TTC39B: variants seen among roughly 807,000 people sequenced by gnomAD.
The protein encoded by TTC39B is tetratricopeptide repeat protein 39B.
A neutral mutation model predicts 96.6 loss-of-function variants in TTC39B; 92 were observed. The ratio of observed to expected loss-of-function variants is 0.95; its 90% CI spans 0.80 to 1.13. The LOEUF (loss-of-function observed/expected upper bound fraction) is 1.13, where lower values mean the gene tolerates loss of function less well. Among genes scored for constraint, TTC39B ranks in the 50% most tolerant of loss-of-function variants. The pLI is 0.00. For missense variants in TTC39B, 955 were observed against 809.3 expected, an observed-to-expected ratio of 1.18 and a Z score of -2.18; for synonymous variants, 367 against 299.4, an observed-to-expected ratio of 1.23 and a Z score of -2.33.
chr9:15,306,163 A>T lies in TTC39B; in HGVS notation c.240+921T>A, dbSNP rs1824746274. On this transcript the variant is annotated intron_variant, in intron 1 of 19. Transcript: ENST00000512701. This position sits in a 1 kb window ranked among gnomAD's most constrained non-coding sequence, Gnocchi z 5.1. Reference sequence around the variant, plus strand: ...GCCTTCTAAAGGCAGCGACTCGCACAATTCAAGTCAGGTAAGATGGCAGGA... The same window carrying T: ...GCCTTCTAAAGGCAGCGACTCGCACTATTCAAGTCAGGTAAGATGGCAGGA... Among the ~76,000 whole-genome samples, 1 of 152,240 alleles carries T rather than the reference A, an allele frequency of 6.6e-6. No individual in the cohort carries two copies. The highest frequency in any genetic ancestry group is 2.4e-5 in the African/African-American group (1 of 41,464).
intron 1 of TTC39B, among the ~76,000 whole-genome samples, chr9:15,284,274 C>G (rs1012326884): frequency 1.3e-4 from 20 of 152,254 alleles, no homozygotes; most frequent in South Asian, 4.2e-4. Context: ...GCAGAGATGC[C>G]GGAAAATAAG....
chr9:15,288,514 G>A (rs1383155363), intron 1 of TTC39B, among the ~76,000 whole-genome samples: 7 of 152,008 alleles, frequency 4.6e-5, no homozygotes, highest in African/African-American at 9.7e-5. Flanking sequence ...CACACTCCAG[G>A]GGAAGATCAT....
intron 1 of TTC39B, among the ~76,000 whole-genome samples, chr9:15,274,381 G>A (rs959851397): frequency 3.9e-5 from 6 of 152,146 alleles, no homozygotes; most frequent in African/African-American, 1.2e-4. Context: ...CCAACTAGTC[G>A]CATCTTATCT....
At chr9:15,175,053 T>C in exon 19 of TTC39B, 1 of 1,613,702 alleles carries the variant, frequency 6.2e-7, no homozygotes, top group Non-Finnish European at 8.5e-7. Flanking sequence ...GCCTTGTCAA[T>C]TTCCCCCTGG....
intron 6 of TTC39B, among the ~76,000 whole-genome samples, chr9:15,208,898 C>A (rs1453740833): frequency 6.6e-6 from 1 of 152,192 alleles, no homozygotes; most frequent in Non-Finnish European, 1.5e-5. Flanking sequence ...ACAAAATAAA[C>A]AAAACTTCCT....
At position 15,306,068 on chromosome 9, in the gene TTC39B, A is replaced by T. The variant is rs532281318; in HGVS notation, c.240+1016T>A. On this transcript the variant is annotated intron_variant, in intron 1 of 19. Transcript: ENST00000512701. This position sits in a 1 kb window ranked among gnomAD's most constrained non-coding sequence, Gnocchi z 5.1. ...TCTTCCTTGTCAGGAGATTCCTGGC[A>T]CTAAAGAGATGGACGGGAAACTTAA... Among the ~76,000 whole-genome samples, 7 of 152,316 alleles carry T rather than the reference A, an allele frequency of 4.6e-5. No individual in the cohort carries two copies. Among genetic ancestry groups the T allele is most frequent in the Middle Eastern group, 3.4e-3 (1 of 294 alleles).
At position 15,275,571 on chromosome 9, in the gene TTC39B, T is replaced by C. The variant is rs192654168; in HGVS notation, c.241-7623A>G. On this transcript the variant is annotated intron_variant, in intron 1 of 19. Coordinates refer to ENST00000512701, the Ensembl canonical transcript of TTC39B. The stretch of plus-strand genomic sequence containing the variant: ...GAAACTGCAGCAAAAGAGTCCTTGC[T>C]TTAAGGAAGTCTTCTGGGAGAAGGA... Among the ~76,000 whole-genome samples, 533 of 152,224 alleles carry C rather than the reference T, an allele frequency of 3.5e-3. 1 individual carries two copies. The highest frequency in any genetic ancestry group is 5.8e-3 in the Non-Finnish European group (394 of 67,998).
intron 2 of TTC39B, among the ~76,000 whole-genome samples, chr9:15,255,148 T>C (rs887559965): frequency 8.5e-5 from 13 of 152,066 alleles, no homozygotes; most frequent in Admixed American, 2.0e-4. Context: ...ATAAATAACA[T>C]AGAAATTACT....
At chr9:15,255,056 TA>T (rs762276782) in intron 2 of TTC39B, among the ~76,000 whole-genome samples, 92 of 152,202 alleles carry the variant, frequency 6.0e-4, no homozygotes, top group Non-Finnish European at 1.2e-3. Flanking sequence ...TTTTTCATTC[TA>T]ACTATAACAT....
chr9:15,225,901 C>CACA lies in TTC39B; in HGVS notation c.371+13_371+15dup. 6.2e-7 allele frequency: 1 copy of CACA among 1,610,672 alleles called. No homozygotes were observed. The highest frequency in any genetic ancestry group is 8.5e-7 in the Non-Finnish European group (1 of 1,177,734). Reference sequence around the variant, plus strand: ...CCTCCCCTCTTCCCCCAGGAATGCCCACAACCCTTCCTGACCTGCTGACAG... The same window carrying CACA: ...CCTCCCCTCTTCCCCCAGGAATGCCCACAACAACCCTTCCTGACCTGCTGACAG... On this transcript the variant is annotated intron_variant, in intron 3 of 19. Coordinates refer to ENST00000512701, the Ensembl canonical transcript of TTC39B.
chr9:15,254,304 T>G (rs1822670233), intron 2 of TTC39B, among the ~76,000 whole-genome samples: 1 of 152,146 alleles, frequency 6.6e-6, no homozygotes, highest in South Asian at 2.1e-4. Flanking sequence ...AATGTGTTCT[T>G]TTTTTAAATC....
intron 9 of TTC39B, 140 bp from the exon 10 acceptor site, chr9:15,191,395 C>CAGTATGTGGTAA: frequency 1.7e-6 from 1 of 604,694 alleles, no homozygotes; most frequent in Non-Finnish European, 2.9e-6. Context: ...ATTTCTGTTA[C>CAGTATGTGGTAA]CACATACTGT....
At chr9:15,273,971 T>C (rs1823448919) in intron 1 of TTC39B, among the ~76,000 whole-genome samples, 1 of 152,188 alleles carries the variant, frequency 6.6e-6, no homozygotes. Context: ...TAAATCAAGA[T>C]GTCCAAAATG....
At chr9:15,266,352 T>C (rs1032704399) in intron 2 of TTC39B, among the ~76,000 whole-genome samples, 1 of 151,684 alleles carries the variant, frequency 6.6e-6, no homozygotes, top group African/African-American at 2.4e-5. Flanking sequence ...CTATAGCAAA[T>C]ATGACAAAAG....
intron 6 of TTC39B, among the ~76,000 whole-genome samples, chr9:15,206,120 A>G (rs1819836891): frequency 6.6e-6 from 1 of 152,152 alleles, no homozygotes; most frequent in African/African-American, 2.4e-5. Flanking sequence ...AAGGCATGAG[A>G]GTTTGAACTT....
At chr9:15,223,477 G>C (rs1022161808) in intron 3 of TTC39B, among the ~76,000 whole-genome samples, 1 of 152,176 alleles carries the variant, frequency 6.6e-6, no homozygotes, top group African/African-American at 2.4e-5. Flanking sequence ...TCACAACTTT[G>C]TGTTAAGAAG....
intron 2 of TTC39B, among the ~76,000 whole-genome samples, chr9:15,231,182 T>C (rs1320358089): frequency 2.0e-5 from 3 of 152,146 alleles, no homozygotes; most frequent in African/African-American, 7.2e-5. Context: ...ATTTTTTTAA[T>C]TTTTATTTTT....
At chr9:15,175,800 T>C (rs971835) in intron 18 of TTC39B, among the ~76,000 whole-genome samples, 103,438 of 151,736 alleles carry the variant, frequency 0.68, 35,604 homozygotes, top group East Asian at 0.94. Flanking sequence ...GGGCTTTGTA[T>C]CCTAATATCC....
Position 15,225,908 on chromosome 9 carries a change from C to A in TTC39B, c.371+9G>T, listed in dbSNP as rs945666838. ...TCTTCCCCCAGGAATGCCCACAACC[C>A]TTCCTGACCTGCTGACAGTAGACGC... On this transcript the variant is annotated intron_variant, in intron 3 of 19. Transcript: ENST00000512701. The A allele has an allele frequency of 5.6e-6, 9 of 1,612,298 alleles. No individual in the cohort carries two copies. The highest frequency in any genetic ancestry group is 1.7e-5 in the Admixed American group (1 of 59,860).
Sources: gnomAD v4.1 joint callset for allele counts (sites outside exome capture counted in the v4.1 genomes callset) on GRCh38, gnomAD v4.1.1 for gene constraint, Gnocchi (gnomAD v3.1) non-coding constraint, MANE v1.5 for transcripts, NCBI Gene and HGNC (gene_info 2026-07-23, HGNC 2026-07-21) for gene names.